MAPKAP1: variants seen among roughly 807,000 people sequenced by gnomAD.
The protein encoded by MAPKAP1 is MAPK associated protein 1.
MAPKAP1 carries 20 observed loss-of-function variants against 65.7 expected under a neutral mutation model. That is an observed-to-expected ratio of 0.30 (90% CI 0.21 to 0.44). The LOEUF (loss-of-function observed/expected upper bound fraction) is 0.44. Among genes scored for constraint, MAPKAP1 ranks in the 20% least tolerant of loss-of-function variants. The pLI, the probability that MAPKAP1 is intolerant of heterozygous loss-of-function variation, is 1.00. For synonymous variants in MAPKAP1, 222 were observed against 244.3 expected, an observed-to-expected ratio of 0.91 and a Z score of 0.85; for missense variants, 423 against 648.0, an observed-to-expected ratio of 0.65 and a Z score of 3.77.
At chr9:125,574,987 A>G (rs1359490150) in intron 5 of MAPKAP1, among the ~76,000 whole-genome samples, 3 of 152,194 alleles carry the variant, frequency 2.0e-5, no homozygotes, top group Non-Finnish European at 1.5e-5. Flanking sequence ...TTCAGCCACT[A>G]TGTTATATTC....
intron 9 of MAPKAP1, among the ~76,000 whole-genome samples, chr9:125,468,430 A>C (rs543743123): frequency 1.3e-5 from 2 of 152,346 alleles, no homozygotes; most frequent in South Asian, 4.1e-4. Context: ...ACAGCCGTAC[A>C]TTATCTCTAT....
At chr9:125,493,334 G>A (rs184103773) in intron 8 of MAPKAP1, among the ~76,000 whole-genome samples, 2 of 152,278 alleles carry the variant, frequency 1.3e-5, no homozygotes, top group East Asian at 1.9e-4. Flanking sequence ...TATGCTTCAA[G>A]GTCTAGTCCA....
intron 3 of MAPKAP1, among the ~76,000 whole-genome samples, chr9:125,660,536 A>C (rs1231093620): frequency 6.6e-6 from 1 of 152,208 alleles, no homozygotes; most frequent in Non-Finnish European, 1.5e-5. Context: ...GAAATTATAG[A>C]CATCCAACTT....
chr9:125,479,963 G>A (rs1192156581), intron 9 of MAPKAP1, among the ~76,000 whole-genome samples: 1 of 152,176 alleles, frequency 6.6e-6, no homozygotes, highest in Non-Finnish European at 1.5e-5. Flanking sequence ...CACCTGGCTA[G>A]TCAGGTGAAA....
intron 4 of MAPKAP1, among the ~76,000 whole-genome samples, chr9:125,626,585 G>A (rs1564590412): frequency 6.6e-6 from 1 of 152,180 alleles, no homozygotes; most frequent in Non-Finnish European, 1.5e-5. Flanking sequence ...ACAGCCACAT[G>A]TGGCCAGTAA....
At chr9:125,564,335 T>C (rs1211984886) in intron 5 of MAPKAP1, among the ~76,000 whole-genome samples, 3 of 152,230 alleles carry the variant, frequency 2.0e-5, no homozygotes, top group Admixed American at 1.3e-4. Flanking sequence ...ATGTACCAAA[T>C]GGGTTAAGTT....
chr9:125,547,485 C>G (rs946422983), intron 6 of MAPKAP1, among the ~76,000 whole-genome samples: 4 of 152,204 alleles, frequency 2.6e-5, no homozygotes, highest in African/African-American at 9.7e-5. Flanking sequence ...AGAATTGTCA[C>G]AAGCATGAAA....
chr9:125,586,151 A>C (rs1831777685), intron 4 of MAPKAP1, among the ~76,000 whole-genome samples: 1 of 152,154 alleles, frequency 6.6e-6, no homozygotes, highest in South Asian at 2.1e-4. Flanking sequence ...GGAAGGATTT[A>C]GGCCCGCAGC....
At chr9:125,602,530 T>G (rs901884366) in intron 4 of MAPKAP1, among the ~76,000 whole-genome samples, 2 of 151,618 alleles carry the variant, frequency 1.3e-5, no homozygotes, top group African/African-American at 4.8e-5. Context: ...ATTATTCAAT[T>G]AGGTAGTCAG....
At chr9:125,473,905 A>C (rs992043736) in intron 9 of MAPKAP1, among the ~76,000 whole-genome samples, 1 of 152,192 alleles carries the variant, frequency 6.6e-6, no homozygotes, top group Admixed American at 6.5e-5. Context: ...AACTTCTATA[A>C]AACGGAGATG....
chr9:125,571,622 C>T (rs528132988), intron 5 of MAPKAP1, among the ~76,000 whole-genome samples: 4 of 151,990 alleles, frequency 2.6e-5, no homozygotes, highest in Non-Finnish European at 5.9e-5. Context: ...TTTGGGAGGC[C>T]GAGGCAGGTG....
intron 4 of MAPKAP1, among the ~76,000 whole-genome samples, chr9:125,631,796 C>G (rs1833290128): frequency 6.6e-6 from 1 of 152,208 alleles, no homozygotes. Context: ...TACACCAGCA[C>G]TTCACCTACC....
intron 1 of MAPKAP1, among the ~76,000 whole-genome samples, chr9:125,688,505 A>C (rs564317846): frequency 3.9e-5 from 6 of 152,212 alleles, no homozygotes; most frequent in Non-Finnish European, 7.3e-5. Flanking sequence ...AACTGGCTTC[A>C]TTCTGCTTAT....
At chr9:125,513,570 T>C (rs567116543) in intron 7 of MAPKAP1, among the ~76,000 whole-genome samples, 1 of 152,308 alleles carries the variant, frequency 6.6e-6, no homozygotes, top group East Asian at 1.9e-4. Context: ...TTTAAACTCA[T>C]CTGTAAAATA....
chr9:125,453,592 A>G (rs191649134), intron 10 of MAPKAP1, among the ~76,000 whole-genome samples: 1 of 152,390 alleles, frequency 6.6e-6, no homozygotes, highest in Admixed American at 6.5e-5. Context: ...GTATTTTCTT[A>G]AAGATTAGTT....
In MAPKAP1 at chr9:125,603,158, T is replaced by G. The variant is rs577565266; in HGVS notation, c.499-17431A>C. On this transcript the variant is annotated intron_variant, in intron 4 of 11. Coordinates refer to ENST00000265960, the MANE Select transcript of MAPKAP1 (RefSeq NM_001006617.3). Reference sequence around the variant, plus strand: ...TCCTGGGCTCAAACGAGCCTCCCACTTTGGCACTCCAACATGTTAGGATTA... The same window carrying G: ...TCCTGGGCTCAAACGAGCCTCCCACGTTGGCACTCCAACATGTTAGGATTA... 2.0e-5 allele frequency among the ~76,000 whole-genome samples: 3 copies of G among 152,144 alleles called. No homozygotes were observed. In the East Asian group the frequency reaches 5.8e-4, roughly 29 times the overall value.
At chr9:125,670,005 T>C in intron 2 of MAPKAP1, 98 bp from the exon 3 acceptor site, 1 of 679,952 alleles carries the variant, frequency 1.5e-6, no homozygotes, top group Non-Finnish European at 2.5e-6. Context: ...ATGTTTTATA[T>C]TGCATATGTA....
At chr9:125,625,255 TAAAAAA>T (rs58671780) in intron 4 of MAPKAP1, among the ~76,000 whole-genome samples, 5 of 64,670 alleles carry the variant, frequency 7.7e-5, no homozygotes, top group Admixed American at 5.1e-4. Context: ...AATAAATAAA[TAAAAAA>T]AAAAAAAAAA....
At chr9:125,579,746 C>G (rs1831560645) in intron 5 of MAPKAP1, among the ~76,000 whole-genome samples, 1 of 152,174 alleles carries the variant, frequency 6.6e-6, no homozygotes, top group Non-Finnish European at 1.5e-5. Context: ...TATTCCAACA[C>G]TAAGTACAAA....
Sources: allele counts gnomAD v4.1 joint callset (sites outside exome capture counted in the v4.1 genomes callset), GRCh38; gene constraint gnomAD v4.1.1; transcripts MANE v1.5; gene names NCBI Gene and HGNC (gene_info 2026-07-23, HGNC 2026-07-21).